The following EML4 variants were observed in gnomAD, a reference collection of about 807,000 sequenced individuals.
EML4 encodes the protein echinoderm microtubule-associated protein-like 4.
Under a neutral mutation model 129.0 loss-of-function variants are expected in EML4, and 72 were observed. The ratio of observed to expected loss-of-function variants is 0.56; its 90% CI spans 0.46 to 0.68. EML4 has a LOEUF of 0.68. EML4 is among the 30% of genes least tolerant of loss of function. The pLI is 0.00. For missense variants in EML4, 1,363 were observed against 1,190.6 expected (o/e 1.14, Z -2.13); for synonymous variants, 532 against 405.0 (o/e 1.31, Z -3.77).
chr2:42,279,715 C>G (rs1017455590), intron 6 of EML4, among the ~76,000 whole-genome samples: 1 of 151,978 alleles, frequency 6.6e-6, no homozygotes, highest in Non-Finnish European at 1.5e-5. Flanking sequence ...ACCTCATGAT[C>G]TGCCCATCTC....
At chr2:42,228,068 A>C (rs1674090923) in intron 1 of EML4, among the ~76,000 whole-genome samples, 1 of 152,126 alleles carries the variant, frequency 6.6e-6, no homozygotes, top group Non-Finnish European at 1.5e-5. Flanking sequence ...AAAAATACAA[A>C]AAATTAGCTG....
intron 6 of EML4, 70 bp from the exon 7 acceptor site, chr2:42,280,780 T>C: frequency 2.5e-6 from 3 of 1,223,232 alleles, no homozygotes; most frequent in Middle Eastern, 2.0e-4. Context: ...TTGTATCACG[T>C]TAATAATCCA....
At chr2:42,252,598 C>G (rs1165583906) in intron 2 of EML4, among the ~76,000 whole-genome samples, 3 of 152,168 alleles carry the variant, frequency 2.0e-5, no homozygotes, top group Non-Finnish European at 4.4e-5. Context: ...GAACTATCCC[C>G]TCTTTTGTTC....
At chr2:42,328,334 G>A (rs181278797) in intron 21 of EML4, among the ~76,000 whole-genome samples, 46 of 152,254 alleles carry the variant, frequency 3.0e-4, no homozygotes, top group South Asian at 2.1e-4. Context: ...TAAATTTGAC[G>A]TGTCTTATCT....
chr2:42,185,818 G>T (rs891234964), intron 1 of EML4, among the ~76,000 whole-genome samples: 1 of 152,110 alleles, frequency 6.6e-6, no homozygotes, highest in Admixed American at 6.5e-5. Flanking sequence ...TTGAAAATAG[G>T]AATATCAGTG....
At chr2:42,275,013 G>T (rs1666580556) in intron 6 of EML4, among the ~76,000 whole-genome samples, 1 of 152,154 alleles carries the variant, frequency 6.6e-6, no homozygotes, top group Non-Finnish European at 1.5e-5. Flanking sequence ...TGGATTAAAA[G>T]GAAGCTGTAT....
chr2:42,187,138 G>T (rs1414810545), intron 1 of EML4, among the ~76,000 whole-genome samples: 1 of 151,668 alleles, frequency 6.6e-6, no homozygotes, highest in Non-Finnish European at 1.5e-5. Context: ...CCAATTCCTG[G>T]GCTCAAGTAA....
rs1007058641 is a variant in EML4, at chr2:42,331,704, A to G, written c.*1497A>G. 3.2e-5 allele frequency: 7 copies of G among 220,510 alleles called. No homozygotes were observed. The highest frequency in any genetic ancestry group is 1.8e-4 in the South Asian group (1 of 5,410). The allele number at this position is 220,510 out of a possible 1,614,324, so 13.7% of individuals were successfully genotyped here. A position where few individuals can be genotyped will look rare whatever the true frequency, so the allele number is the denominator to read the frequency against. ...CTAATATCTTCTCAGGAGTAATACAAATCAGGTATTTCATCATCATTTGGT... is the reference window on the plus strand; with the variant it reads ...CTAATATCTTCTCAGGAGTAATACAGATCAGGTATTTCATCATCATTTGGT... On this transcript the variant is annotated 3_prime_UTR_variant, in exon 23 of 23. Coordinates refer to ENST00000318522, the MANE Select transcript of EML4 (RefSeq NM_019063.5).
At chr2:42,204,442 C>T (rs1040047099) in intron 1 of EML4, among the ~76,000 whole-genome samples, 9 of 152,178 alleles carry the variant, frequency 5.9e-5, no homozygotes, top group African/African-American at 2.2e-4. Context: ...GTGGGCCACA[C>T]ATCTCCAGTG....
chr2:42,322,547 A>G lies in EML4; in HGVS notation c.2155-2920A>G, dbSNP rs765077826. Among the ~76,000 whole-genome samples, 24 of 152,288 alleles carry G rather than the reference A, an allele frequency of 1.6e-4. No individual in the cohort carries two copies. The South Asian group carries it at 1.7e-3, about 11-fold the overall frequency. ...ATGCAGTTGACAAAGATTTAACTCA[A>G]ATATTTCTGAATTTTTTCTTCATAG... On this transcript the variant is annotated intron_variant, in intron 19 of 22. Transcript: ENST00000318522.
At chr2:42,247,836 A>C (rs1007900667) in intron 2 of EML4, among the ~76,000 whole-genome samples, 1 of 152,096 alleles carries the variant, frequency 6.6e-6, no homozygotes, top group Non-Finnish European at 1.5e-5. Flanking sequence ...TAGGGAATAT[A>C]AGCTTTGTAT....
intron 6 of EML4, among the ~76,000 whole-genome samples, chr2:42,273,598 C>T (rs916649481): frequency 1.3e-5 from 2 of 152,038 alleles, no homozygotes; most frequent in Admixed American, 6.6e-5. Context: ...GCATCCCCCA[C>T]CCCACTATGT....
rs181995090 is a variant in EML4 at position 42,309,469 on chromosome 2, A to G, written c.1967+4918A>G. 2.0e-5 allele frequency among the ~76,000 whole-genome samples: 3 copies of G among 151,646 alleles called. No individual in the cohort carries two copies. The East Asian group carries it at 5.8e-4, about 29-fold the overall frequency. ...AAAATTTTTTTTTTTTTGTTTAGGA[A>G]CTACCAAACTTTTTCACAGCAGCCG... is the stretch of plus-strand genomic sequence containing the variant. On this transcript the variant is annotated intron_variant, in intron 17 of 22. Coordinates refer to ENST00000318522, the MANE Select transcript of EML4 (RefSeq NM_019063.5).
At chr2:42,232,963 C>G (rs184898954) in intron 1 of EML4, among the ~76,000 whole-genome samples, 226 of 152,248 alleles carry the variant, frequency 1.5e-3, no homozygotes, top group African/African-American at 5.3e-3. Flanking sequence ...ACCTCGTGAT[C>G]CCCCTGCCTC....
chr2:42,223,162 C>T (rs1224927752), intron 1 of EML4, among the ~76,000 whole-genome samples: 1 of 152,072 alleles, frequency 6.6e-6, no homozygotes, highest in Non-Finnish European at 1.5e-5. Flanking sequence ...ATATTTCATT[C>T]ACTTGATCCC....
At chr2:42,222,304 A>G (rs1413461079) in intron 1 of EML4, among the ~76,000 whole-genome samples, 1 of 152,136 alleles carries the variant, frequency 6.6e-6, no homozygotes, top group Non-Finnish European at 1.5e-5. Context: ...CGGGTTGACA[A>G]ACTTTAGCAC....
chr2:42,174,603 T>C (rs571969580), intron 1 of EML4, among the ~76,000 whole-genome samples: 2 of 152,276 alleles, frequency 1.3e-5, no homozygotes, highest in African/African-American at 4.8e-5. Flanking sequence ...CTGTAGTATA[T>C]TTGTATGTCG....
chr2:42,239,111 A>G (rs1471850955), intron 1 of EML4, among the ~76,000 whole-genome samples: 6 of 152,238 alleles, frequency 3.9e-5, no homozygotes, highest in African/African-American at 1.4e-4. Flanking sequence ...TCATTTCACC[A>G]CAGTGCTTGC....
chr2:42,233,108 G>A (rs1244070628), intron 1 of EML4, among the ~76,000 whole-genome samples: 1 of 152,056 alleles, frequency 6.6e-6, no homozygotes, highest in Non-Finnish European at 1.5e-5. Flanking sequence ...TTTATCCTTA[G>A]ATCAATCTCT....
Sources: allele counts gnomAD v4.1 joint callset (sites outside exome capture counted in the v4.1 genomes callset), GRCh38; gene constraint gnomAD v4.1.1; transcripts MANE v1.5; gene names NCBI Gene and HGNC (gene_info 2026-07-23, HGNC 2026-07-21).